AUH: variants seen among roughly 807,000 people sequenced by gnomAD.
AUH encodes methylglutaconyl-CoA hydratase, mitochondrial.
A neutral mutation model predicts 42.3 loss-of-function variants in AUH; 29 were observed. That is an observed-to-expected ratio of 0.69 (90% CI 0.51 to 0.93). AUH has a LOEUF of 0.93. AUH is among the 40% of genes least tolerant of loss of function. AUH has a pLI of 0.00. For missense variants in AUH, 452 were observed against 438.1 expected (o/e 1.03, Z -0.28); for synonymous variants, 174 against 166.4 (o/e 1.05, Z -0.35).
chr9:91,331,461 C>A (rs529490004), intron 3 of AUH, among the ~76,000 whole-genome samples: 1 of 152,248 alleles, frequency 6.6e-6, no homozygotes, highest in East Asian at 1.9e-4. Context: ...ATACCTGGTT[C>A]TCAGACATTT....
At chr9:91,330,619 A>G (rs965603683) in intron 3 of AUH, among the ~76,000 whole-genome samples, 10 of 152,210 alleles carry the variant, frequency 6.6e-5, no homozygotes, top group Non-Finnish European at 1.2e-4. Context: ...GTGTACTAAA[A>G]GACATGTACA....
chr9:91,324,281 T>C (rs1314552299), intron 4 of AUH, among the ~76,000 whole-genome samples: 1 of 151,906 alleles, frequency 6.6e-6, no homozygotes, highest in African/African-American at 2.4e-5. Context: ...GGGAGGAGGA[T>C]CGCTTGAGGC....
intron 4 of AUH, among the ~76,000 whole-genome samples, chr9:91,318,744 A>C (rs957876389): frequency 3.3e-5 from 5 of 152,238 alleles, no homozygotes; most frequent in East Asian, 1.9e-4. Flanking sequence ...CCATAGGAGC[A>C]AGTCATGCCA....
intron 6 of AUH, among the ~76,000 whole-genome samples, chr9:91,268,707 G>A (rs1183015574): frequency 6.6e-6 from 1 of 152,112 alleles, no homozygotes; most frequent in Non-Finnish European, 1.5e-5. Context: ...TAAGATTACA[G>A]GCGTGAGCCA....
chr9:91,294,607 T>C (rs1214546253), intron 6 of AUH: 1 of 431,534 alleles, frequency 2.3e-6, no homozygotes, highest in Non-Finnish European at 4.6e-6. Flanking sequence ...TAGACAGTGA[T>C]TCCTCTTATG....
intron 3 of AUH, among the ~76,000 whole-genome samples, chr9:91,349,763 T>C (rs1012852972): frequency 2.0e-5 from 3 of 151,892 alleles, no homozygotes; most frequent in Non-Finnish European, 4.4e-5. Context: ...GATTAAACAG[T>C]TTTTAGAATA....
intron 6 of AUH, among the ~76,000 whole-genome samples, chr9:91,225,895 G>A (rs1055487473): frequency 2.6e-5 from 4 of 151,400 alleles, no homozygotes; most frequent in African/African-American, 9.7e-5. Context: ...ATTTTTTATG[G>A]CTGCATAGTA....
intron 4 of AUH, among the ~76,000 whole-genome samples, chr9:91,313,504 G>C (rs1587837144): frequency 6.6e-6 from 1 of 151,694 alleles, no homozygotes; most frequent in Non-Finnish European, 1.5e-5. Flanking sequence ...AGGAGATCGA[G>C]ACCATCCTGG....
At chr9:91,303,952 A>G (rs527653965) in intron 4 of AUH, among the ~76,000 whole-genome samples, 1 of 152,322 alleles carries the variant, frequency 6.6e-6, no homozygotes, top group Non-Finnish European at 1.5e-5. Context: ...CTGGAGGCCC[A>G]CACCAGGGTC....
chr9:91,224,740 T>C (rs1194373375), intron 6 of AUH, among the ~76,000 whole-genome samples: 1 of 152,168 alleles, frequency 6.6e-6, no homozygotes, highest in Admixed American at 6.5e-5. Flanking sequence ...TTTAGAACAT[T>C]TGTTTGGCAA....
chr9:91,304,947 C>T (rs1471379140), intron 4 of AUH, among the ~76,000 whole-genome samples: 1 of 152,126 alleles, frequency 6.6e-6, no homozygotes, highest in Non-Finnish European at 1.5e-5. Context: ...TTCAGTTACC[C>T]ATGGTCAACT....
intron 4 of AUH, among the ~76,000 whole-genome samples, chr9:91,299,588 T>C (rs1827625503): frequency 6.6e-6 from 1 of 152,060 alleles, no homozygotes; most frequent in Admixed American, 6.5e-5. Context: ...TCCAGAACAC[T>C]TAGTGAAAAA....
intron 3 of AUH, among the ~76,000 whole-genome samples, chr9:91,345,930 G>A (rs1429116147): frequency 6.6e-6 from 1 of 151,904 alleles, no homozygotes; most frequent in African/African-American, 2.4e-5. Flanking sequence ...ATGTAATGGG[G>A]GAAAAGTTGG....
intron 5 of AUH, 75 bp downstream of exon 5, chr9:91,297,909 A>G: frequency 8.4e-7 from 1 of 1,192,612 alleles, no homozygotes; most frequent in Non-Finnish European, 1.2e-6. Flanking sequence ...GCAGAATAAA[A>G]TATTTAAAAT....
intron 4 of AUH, among the ~76,000 whole-genome samples, chr9:91,323,279 A>G (rs946290689): frequency 2.0e-5 from 3 of 152,230 alleles, no homozygotes; most frequent in African/African-American, 7.2e-5. Context: ...TTAAAGAAGA[A>G]TTAACACAAG....
rs543898717 is a variant in AUH at position 91,356,167 on chromosome 9, G to C, written c.263-12C>G. The C allele has an allele frequency of 1.2e-6, 2 of 1,611,988 alleles. No homozygotes were observed. Among genetic ancestry groups the C allele is most frequent in the South Asian group, 1.1e-5 (1 of 90,974 alleles). On this transcript the variant is annotated splice_polypyrimidine_tract_variant and intron_variant, in intron 1 of 9. Coordinates refer to ENST00000375731, the MANE Select transcript of AUH (RefSeq NM_001698.3). ...AAGCACCACAATTCCTAGTTAAAGG[G>C]GAAAAAAAGTACAAGCACTTGAGTG...
intron 3 of AUH, among the ~76,000 whole-genome samples, chr9:91,342,039 G>A (rs1021090927): frequency 3.3e-5 from 5 of 152,274 alleles, no homozygotes; most frequent in East Asian, 3.9e-4. Context: ...CAGAGTAGGC[G>A]AGACCTGACA....
At chr9:91,257,414 A>C (rs1375704127) in intron 6 of AUH, among the ~76,000 whole-genome samples, 2 of 152,142 alleles carry the variant, frequency 1.3e-5, no homozygotes, top group African/African-American at 4.8e-5. Context: ...CATGCCACCC[A>C]GAGAACAGGA....
In AUH at chr9:91,317,881, CAT is replaced by C. The variant is rs1360511258; in HGVS notation, c.505+7435_505+7436del. ...TTTTTCCTCAATCTACTGAGATACA[CAT>C]ATGACTTTATTTTCATTGGCTAACA... On this transcript the variant is annotated intron_variant, in intron 4 of 9. Coordinates refer to ENST00000375731, the MANE Select transcript of AUH (RefSeq NM_001698.3). 2.6e-5 allele frequency among the ~76,000 whole-genome samples: 4 copies of C among 152,348 alleles called. No individual in the cohort carries two copies. In the East Asian group the frequency reaches 7.7e-4, roughly 29 times the overall value.
Sources: allele counts gnomAD v4.1 joint callset (sites outside exome capture counted in the v4.1 genomes callset), GRCh38; gene constraint gnomAD v4.1.1; transcripts MANE v1.5; gene names NCBI Gene and HGNC (gene_info 2026-07-23, HGNC 2026-07-21).